RAD54L2: variants seen among roughly 807,000 people sequenced by gnomAD.
RAD54L2 encodes helicase ARIP4.
In RAD54L2, 27 loss-of-function variants were observed where a neutral mutation model predicts 138.4. That is an observed-to-expected ratio of 0.20 (90% CI 0.14 to 0.27). The LOEUF is 0.27. Ranked by LOEUF, RAD54L2 falls within the 10% of genes least tolerant of loss-of-function variation. The probability of loss-of-function intolerance (pLI) is 1.00; values close to 1 mark genes in which losing one functional copy is unlikely to be tolerated. For synonymous variants in RAD54L2, 644 were observed against 723.2 expected (o/e 0.89, Z 1.76); for missense variants, 1,396 against 1,890.2 (o/e 0.74, Z 4.85).
intron 2 of RAD54L2, among the ~76,000 whole-genome samples, chr3:51,562,210 A>G (rs1699114611): frequency 1.3e-5 from 2 of 149,686 alleles, no homozygotes; most frequent in African/African-American, 4.9e-5. Context: ...TAATTTTTGT[A>G]TTTTTATTCT....
intron 2 of RAD54L2, among the ~76,000 whole-genome samples, chr3:51,558,604 G>T (rs1051193951): frequency 2.0e-5 from 3 of 151,992 alleles, no homozygotes; most frequent in Non-Finnish European, 4.4e-5. Flanking sequence ...CCAAGTAGCT[G>T]GGACCACAGA....
intron 3 of RAD54L2, among the ~76,000 whole-genome samples, chr3:51,624,995 G>GA: frequency 6.6e-6 from 1 of 152,178 alleles, no homozygotes; most frequent in East Asian, 1.9e-4. Flanking sequence ...TTGGCCTAGG[G>GA]AACATCAGCT....
In RAD54L2 at chr3:51,637,509, C is replaced by G; in HGVS notation, c.1682+6C>G. On this transcript the variant is annotated splice_donor_region_variant and intron_variant, in intron 11 of 22. Coordinates refer to ENST00000684192, the MANE Select transcript of RAD54L2 (RefSeq NM_015106.4). The surrounding 1 kb of genome is among the most constrained non-coding windows in gnomAD (Gnocchi z 5.9). The stretch of plus-strand genomic sequence containing the variant: ...CTGGAGGGCTTTGTGCAGAGGTGAG[C>G]CATCCTCAGGGTCCTGCTTCCTGAA... 1 of 1,603,854 alleles carries G rather than the reference C, an allele frequency of 6.2e-7. No homozygotes were observed. Among genetic ancestry groups the G allele is most frequent in the South Asian group, 1.1e-5 (1 of 90,048 alleles).
At chr3:51,650,223 C>T (rs1486809289) in intron 19 of RAD54L2, among the ~76,000 whole-genome samples, 5 of 152,296 alleles carry the variant, frequency 3.3e-5, no homozygotes, top group African/African-American at 4.8e-5. Flanking sequence ...ATCAATGCAA[C>T]AAGAAGAGCT....
chr3:51,631,238 T>C (rs1241051474), intron 7 of RAD54L2, among the ~76,000 whole-genome samples: 1 of 152,136 alleles, frequency 6.6e-6, no homozygotes. Context: ...TGAGGTGCTC[T>C]CTGGTGAGCA....
chr3:51,656,537 T>C (rs1701605212), intron 20 of RAD54L2, among the ~76,000 whole-genome samples: 2 of 152,138 alleles, frequency 1.3e-5, no homozygotes, highest in African/African-American at 4.8e-5. Context: ...TGTCAACCTT[T>C]GTACATAATG....
chr3:51,629,533 A>G (rs1028317910), intron 5 of RAD54L2, 60 bp downstream of exon 5: 16 of 1,582,652 alleles, frequency 1.0e-5, no homozygotes, highest in Middle Eastern at 1.9e-4. Flanking sequence ...CCCTAGGTGC[A>G]CACAGTGGTC....
chr3:51,578,332 C>T (rs1577399884), intron 2 of RAD54L2, among the ~76,000 whole-genome samples: 1 of 152,296 alleles, frequency 6.6e-6, no homozygotes, highest in East Asian at 1.9e-4. Context: ...AACAATGCTG[C>T]TTCCTTGAGA....
At chr3:51,607,682 C>T (rs1365401134) in intron 3 of RAD54L2, among the ~76,000 whole-genome samples, 4 of 151,632 alleles carry the variant, frequency 2.6e-5, no homozygotes, top group African/African-American at 7.3e-5. Flanking sequence ...GACGGGGCGG[C>T]CGGGCAGAGG....
intron 7 of RAD54L2, among the ~76,000 whole-genome samples, chr3:51,631,979 C>T (rs1700855848): frequency 6.6e-6 from 1 of 151,894 alleles, no homozygotes; most frequent in African/African-American, 2.4e-5. Context: ...CTCTTCCTCC[C>T]CCTCCTCTCC....
chr3:51,580,248 C>G (rs962300417), intron 2 of RAD54L2, among the ~76,000 whole-genome samples: 3 of 152,170 alleles, frequency 2.0e-5, no homozygotes, highest in African/African-American at 7.2e-5. Context: ...TTAGGTTTAC[C>G]TGTTTCTCAT....
At chr3:51,546,778 CA>C (rs1698707224) in intron 2 of RAD54L2, among the ~76,000 whole-genome samples, 1 of 152,150 alleles carries the variant, frequency 6.6e-6, no homozygotes, top group South Asian at 2.1e-4. Flanking sequence ...CCTGTAATCC[CA>C]GCACTTTGGG....
At chr3:51,661,676 AT>A (rs1445987730) in intron 22 of RAD54L2, among the ~76,000 whole-genome samples, 1 of 152,182 alleles carries the variant, frequency 6.6e-6, no homozygotes, top group East Asian at 1.9e-4. Context: ...TATTATGGAA[AT>A]TTCAAATTTT....
At chr3:51,595,244 G>A (rs1325168264) in intron 3 of RAD54L2, among the ~76,000 whole-genome samples, 4 of 152,164 alleles carry the variant, frequency 2.6e-5, no homozygotes, top group African/African-American at 7.2e-5. Flanking sequence ...CAAAGACATG[G>A]CCTGTAGACA....
intron 15 of RAD54L2, among the ~76,000 whole-genome samples, chr3:51,642,664 C>T (rs1021508730): frequency 2.6e-5 from 4 of 152,092 alleles, no homozygotes; most frequent in South Asian, 2.1e-4. Flanking sequence ...AAAAATATCT[C>T]CAGACATTGC....
chr3:51,640,117 T>C, intron 14 of RAD54L2, 118 bp downstream of exon 14: 1 of 679,782 alleles, frequency 1.5e-6, no homozygotes, highest in Non-Finnish European at 2.5e-6. Flanking sequence ...AGGACCTTCT[T>C]GCATGTTGTC....
chr3:51,650,494 C>T (rs542634842), intron 19 of RAD54L2, among the ~76,000 whole-genome samples: 1 of 152,316 alleles, frequency 6.6e-6, no homozygotes, highest in South Asian at 2.1e-4. Context: ...TTCTTCTCAG[C>T]ACCACATTGC....
intron 3 of RAD54L2, among the ~76,000 whole-genome samples, chr3:51,616,369 C>A (rs1383124290): frequency 6.6e-6 from 1 of 152,084 alleles, no homozygotes; most frequent in Non-Finnish European, 1.5e-5. Context: ...TAAACGTGTT[C>A]ATTTAAGGCT....
At chr3:51,562,059 C>T (rs1028869609) in intron 2 of RAD54L2, among the ~76,000 whole-genome samples, 3 of 147,550 alleles carry the variant, frequency 2.0e-5, no homozygotes, top group Non-Finnish European at 4.5e-5. Context: ...CCCCTGAGAC[C>T]GAGTCTCACT....
Sources: gnomAD v4.1 joint callset for allele counts (sites outside exome capture counted in the v4.1 genomes callset) on GRCh38, gnomAD v4.1.1 for gene constraint, Gnocchi (gnomAD v3.1) non-coding constraint, MANE v1.5 for transcripts, NCBI Gene and HGNC (gene_info 2026-07-23, HGNC 2026-07-21) for gene names.